Variants in MTMR10 observed in about 807,000 individuals in gnomAD.
MTMR10 encodes myotubularin related protein 10.
In MTMR10, 56 loss-of-function variants were observed where a neutral mutation model predicts 88.1. That is an observed-to-expected ratio of 0.64 (90% confidence interval 0.51 to 0.79). The LOEUF (loss-of-function observed/expected upper bound fraction) is 0.79, where lower values mean the gene tolerates loss of function less well. Ranked by LOEUF, MTMR10 falls within the 30% of genes least tolerant of loss-of-function variation. MTMR10 has a pLI of 0.00. For missense variants in MTMR10, 883 were observed against 924.7 expected (o/e 0.95, Z 0.58); for synonymous variants, 380 against 340.9 (o/e 1.11, Z -1.26).
the MTMR10 span, chr15:30,925,429 G>A: frequency 2.3e-6 from 2 of 852,462 alleles, no homozygotes; most frequent in East Asian, 2.7e-5. Context: ...TTGGACGGCT[G>A]TGTGGCCATT....
At chr15:30,964,249 T>C (rs1175299909) in intron 6 of MTMR10, among the ~76,000 whole-genome samples, 2 of 152,248 alleles carry the variant, frequency 1.3e-5, no homozygotes, top group East Asian at 3.8e-4. Context: ...AACAGTTATG[T>C]AAAACAGTTT....
At chr15:30,926,031 C>G in the MTMR10 span, 1 of 1,270,258 alleles carries the variant, frequency 7.9e-7, no homozygotes, top group African/African-American at 1.5e-5. Context: ...GCTGTCCTCT[C>G]TCTGTCCTCT....
rs773059243 is a variant in MTMR10 at position 30,943,084 on chromosome 15, A to ATAAAT, written c.1549-17_1549-13dup. The ATAAAT allele has an allele frequency of 2.0e-5, 30 of 1,530,020 alleles. No individual in the cohort carries two copies. The highest frequency in any genetic ancestry group is 2.5e-5 in the Non-Finnish European group (29 of 1,140,130). The allele number at this position is 1,530,020 out of a possible 1,614,324, so 94.8% of individuals were successfully genotyped here. On this transcript the variant is annotated splice_polypyrimidine_tract_variant and intron_variant, in intron 14 of 15. Transcript: ENST00000435680. The stretch of plus-strand genomic sequence containing the variant: ...CTTATAGCAAATTCCTGCAAAATAA[A>ATAAAT]TAAATAAATATTTGCAAAACTAAAG...
rs2062953088 is a variant in MTMR10, at chr15:30,939,132, GT to G, written c.*2337del. 15 of 985,344 alleles carry G rather than the reference GT, an allele frequency of 1.5e-5. No individual in the cohort carries two copies. Among genetic ancestry groups the G allele is most frequent in the Non-Finnish European group, 1.7e-5 (14 of 829,858 alleles). The allele number at this position is 985,344 out of a possible 1,614,324, so 61.0% of individuals were successfully genotyped here. On this transcript the variant is annotated 3_prime_UTR_variant, in exon 16 of 16. Transcript: ENST00000435680. ...GTTACTACTGCAGCAAGCAGATTTT[GT>G]TGACAAATGTGAACAGCTTTCACCC...
intron 2 of MTMR10, among the ~76,000 whole-genome samples, chr15:30,987,692 ATTTTT>A (rs201146149): frequency 7.8e-5 from 11 of 141,788 alleles, no homozygotes; most frequent in African/African-American, 2.8e-4. Flanking sequence ...TTTTTTTTTT[ATTTTT>A]TTTTTTAAGT....
intron 6 of MTMR10, among the ~76,000 whole-genome samples, chr15:30,966,307 G>C (rs1198277335): frequency 6.6e-6 from 1 of 152,202 alleles, no homozygotes; most frequent in Middle Eastern, 3.2e-3. Flanking sequence ...CTGTAAACCA[G>C]AGATGCCCAC....
the MTMR10 span, chr15:30,925,426 G>T: frequency 3.4e-6 from 3 of 873,974 alleles, no homozygotes; most frequent in South Asian, 5.3e-5. Context: ...GTTTTGGACG[G>T]CTGTGTGGCC....
chr15:30,962,900 T>C, intron 6 of MTMR10, among the ~76,000 whole-genome samples: 2 of 152,072 alleles, frequency 1.3e-5, no homozygotes, highest in East Asian at 3.9e-4. Flanking sequence ...AAGTCAAAAG[T>C]TGCCAGGTAG....
Position 30,961,087 on chromosome 15 carries a change from C to T in MTMR10, c.566-14G>A. ...TAATTTTGTTTGCTGTAGGAAAAAG[C>T]AACATTATGAATTTTAACAGTCACA... On this transcript the variant is annotated splice_polypyrimidine_tract_variant and intron_variant, in intron 6 of 15. Transcript: ENST00000435680. 1 of 1,539,576 alleles carries T rather than the reference C, an allele frequency of 6.5e-7. No individual in the cohort carries two copies.
Position 30,941,552 on chromosome 15 carries a change from C to G in MTMR10, c.2252G>C (p.Ser751Thr). ...FSPVGNLCRR[S>T]ILGTPLSKFL... is the part of the protein sequence containing the mutation. ...TTTGCTTAATGGTGTTCCTAAAATG[C>G]TTCGTCTGCACAGATTCCCTACAGG... is the stretch of plus-strand genomic sequence containing the variant. The change falls in exon 16 of 16, where the codon AGC becomes ACC. Residue 751 changes from serine to threonine, a missense_variant. Physicochemically the swap from Ser to Thr is moderately conservative, Grantham distance 58 (BLOSUM62 1). Around this residue, in one of 3 missense-constraint regions of MTMR10, gnomAD observed 343 missense variants for 323.2 expected, o/e 1.06. Coordinates refer to ENST00000435680, the MANE Select transcript of MTMR10 (RefSeq NM_017762.3). 6.2e-7 allele frequency: 1 copy of G among 1,604,790 alleles called. No individual in the cohort carries two copies. Among genetic ancestry groups the G allele is most frequent in the Non-Finnish European group, 8.5e-7 (1 of 1,175,038 alleles).
At chr15:30,938,057 G>A (rs1188316621), downstream of MTMR10, among the ~76,000 whole-genome samples, 1 of 151,886 alleles carries the variant, frequency 6.6e-6, no homozygotes, top group Non-Finnish European at 1.5e-5. Flanking sequence ...GGTGGCACAC[G>A]CCTGTGGTCC....
At chr15:30,975,723 G>A (rs966707629) in intron 3 of MTMR10, among the ~76,000 whole-genome samples, 1 of 152,026 alleles carries the variant, frequency 6.6e-6, no homozygotes, top group Non-Finnish European at 1.5e-5. Context: ...ATAAATATTT[G>A]TACAGTATAA....
chr15:30,957,013 T>A (rs1259064263), intron 9 of MTMR10, among the ~76,000 whole-genome samples: 2 of 152,006 alleles, frequency 1.3e-5, no homozygotes, highest in Non-Finnish European at 2.9e-5. Flanking sequence ...CATTTGAGGG[T>A]CACTTGATGG....
chr15:30,933,958 C>T (rs2062785414), downstream of MTMR10, among the ~76,000 whole-genome samples: 1 of 152,064 alleles, frequency 6.6e-6, no homozygotes, highest in Non-Finnish European at 1.5e-5. Flanking sequence ...GATGGGGTTC[C>T]ACCATGTTGC....
At chr15:30,923,381 A>C in the MTMR10 span, among the ~76,000 whole-genome samples, 1 of 152,178 alleles carries the variant, frequency 6.6e-6, no homozygotes, top group African/African-American at 2.4e-5. Flanking sequence ...AATGAAATAA[A>C]AGTTCAAGAG....
rs970614003 is a variant in MTMR10, at chr15:30,945,186, C to T, written c.1548+1944G>A. On this transcript the variant is annotated intron_variant, in intron 14 of 15. Coordinates refer to ENST00000435680, the MANE Select transcript of MTMR10 (RefSeq NM_017762.3). Reference sequence around the variant, plus strand: ...TTGCCTGTGTGGAAGGGGCTGAGAACGGTTAAGAATCACGACCCTTAGACA... The same window carrying T: ...TTGCCTGTGTGGAAGGGGCTGAGAATGGTTAAGAATCACGACCCTTAGACA... Among the ~76,000 whole-genome samples the T allele has an allele frequency of 4.6e-5, 7 of 152,004 alleles. No individual in the cohort carries two copies. In the East Asian group the frequency reaches 1.2e-3, roughly 25 times the overall value.
intron 1 of MTMR10, 61 bp downstream of exon 1, chr15:30,991,386 G>A: frequency 7.2e-7 from 1 of 1,394,162 alleles, no homozygotes; most frequent in Non-Finnish European, 9.5e-7. Flanking sequence ...CCGGGGGTCG[G>A]CCTGGAGGCT....
chr15:30,941,436 A>C lies in MTMR10; in HGVS notation c.*34T>G, dbSNP rs1409012688. On this transcript the variant is annotated 3_prime_UTR_variant, in exon 16 of 16. Transcript: ENST00000435680. Reference sequence around the variant, plus strand: ...GTTAATTCAGAGGAAAAAAGTTGACAGCTTCCCTCAAAATGTTCAGAAAAC... The same window carrying C: ...GTTAATTCAGAGGAAAAAAGTTGACCGCTTCCCTCAAAATGTTCAGAAAAC... The C allele has an allele frequency of 6.4e-7, 1 of 1,572,284 alleles. No individual in the cohort carries two copies. Among genetic ancestry groups the C allele is most frequent in the Admixed American group, 1.9e-5 (1 of 53,422 alleles).
At chr15:30,943,195 A>G in intron 14 of MTMR10, 123 bp from the exon 15 acceptor site, 1 of 1,416,144 alleles carries the variant, frequency 7.1e-7, no homozygotes, top group Non-Finnish European at 9.2e-7. Context: ...AAAACCCACC[A>G]GAGTGGCACT....
Sources: allele counts gnomAD v4.1 joint callset (sites outside exome capture counted in the v4.1 genomes callset), GRCh38; gene constraint gnomAD v4.1.1; regional missense constraint gnomAD v4.1.1; transcripts MANE v1.5; gene names NCBI Gene and HGNC (gene_info 2026-07-23, HGNC 2026-07-21).